The following CHRNA2 variants were observed in gnomAD, a reference collection of about 807,000 sequenced individuals.
CHRNA2 encodes the protein cholinergic receptor nicotinic alpha 2 subunit, also known as neuronal acetylcholine receptor subunit alpha-2.
Under a neutral mutation model 45.5 loss-of-function variants are expected in CHRNA2, and 40 were observed. The observed-to-expected ratio is 0.88, with a 90% CI of 0.68 to 1.15. CHRNA2 has a LOEUF of 1.15. Among genes scored for constraint, CHRNA2 ranks in the 50% most tolerant of loss-of-function variants. The pLI is 0.00. For synonymous variants in CHRNA2, 301 were observed against 296.7 expected (o/e 1.01, Z -0.15); for missense variants, 655 against 701.7 (o/e 0.93, Z 0.75).
chr8:27,463,138 G>A lies in CHRNA2; in HGVS notation c.1305C>T (p.Thr435=). 1 of 1,604,954 alleles carries A rather than the reference G, an allele frequency of 6.2e-7. No homozygotes were observed. The highest frequency in any genetic ancestry group is 8.5e-7 in the Non-Finnish European group (1 of 1,172,628). ...AGTGCAGGTGGCCGTGGCTGCAGAG[G>A]GTGCCCACAGAGGGGGCCACATGAC... ...CAGHVAPSVG[T]LCSHGHLHSG... Residue 435 remains threonine (T), a synonymous_variant, in exon 6 of 7, where the codon ACC becomes ACT. Coordinates refer to ENST00000407991, the MANE Select transcript of CHRNA2 (RefSeq NM_000742.4). This position sits in a 1 kb window ranked among gnomAD's most constrained non-coding sequence, Gnocchi z 6.1.
Position 27,463,674 on chromosome 8 carries a change from A to T in CHRNA2, c.769T>A (p.Tyr257Asn), listed in dbSNP as rs1290255147. ...CCAEIYPDVT[Y>N]AFVIRRLPLF... ...GGCAGCCGCCGGATGACGAAGGCGT[A>T]GGTGACGTCGGGGTAGATCTCGGCG... The change falls in exon 6 of 7, where the codon TAC becomes AAC. Residue 257 changes from tyrosine (Y) to asparagine (N), a missense_variant. This residue lies in a region of CHRNA2 where 323 missense variants were observed against 354.4 expected (regional missense o/e 0.91). Transcript: ENST00000407991. The surrounding 1 kb of genome is among the most constrained non-coding windows in gnomAD (Gnocchi z 6.1). The T allele has an allele frequency of 2.5e-6, 4 of 1,613,994 alleles. No individual in the cohort carries two copies. In the South Asian group the frequency reaches 4.4e-5, roughly 18 times the overall value.
At chr8:27,471,563 C>A (rs1812883949) in intron 1 of CHRNA2, among the ~76,000 whole-genome samples, 1 of 152,210 alleles carries the variant, frequency 6.6e-6, no homozygotes, top group Non-Finnish European at 1.5e-5. Flanking sequence ...TGGAAACAGC[C>A]TTTTGTCCAA....
At chr8:27,474,150 C>T (rs1020359472) in intron 1 of CHRNA2, among the ~76,000 whole-genome samples, 5 of 152,082 alleles carry the variant, frequency 3.3e-5, no homozygotes, top group Admixed American at 2.0e-4. Flanking sequence ...GTTGTCAGGG[C>T]CCATGACCCA....
At chr8:27,476,062 G>C (rs1469824634) in intron 1 of CHRNA2, among the ~76,000 whole-genome samples, 2 of 152,182 alleles carry the variant, frequency 1.3e-5, no homozygotes, top group African/African-American at 4.8e-5. Context: ...TCAAACATTT[G>C]CATTCATAGT....
intron 1 of CHRNA2, chr8:27,475,553 G>C (rs902279267): frequency 2.0e-5 from 3 of 153,048 alleles, no homozygotes; most frequent in African/African-American, 7.2e-5. Context: ...GGGGAGGGGA[G>C]TGAGGAGTTA....
chr8:27,460,355 G>GGTCA lies in CHRNA2; in HGVS notation c.*1270_*1273dup, dbSNP rs1315506705. 1 of 152,182 alleles carries GGTCA rather than the reference G, an allele frequency of 6.6e-6. No homozygotes were observed. Among genetic ancestry groups the GGTCA allele is most frequent in the Admixed American group, 6.5e-5 (1 of 15,272 alleles). The allele number at this position is 152,182 out of a possible 1,614,324, so 9.4% of individuals were successfully genotyped here. On this transcript the variant is annotated 3_prime_UTR_variant, in exon 7 of 7. Transcript: ENST00000407991. ...AGGCTGCTCTGAAGGGTTCAGAGCA[G>GGTCA]GTCAACACACCTCGGGGCTCTGGGA...
chr8:27,463,249 G>A lies in CHRNA2; in HGVS notation c.1194C>T (p.Ser398=), dbSNP rs1586389358. 2.5e-6 allele frequency: 4 copies of A among 1,598,560 alleles called. No individual in the cohort carries two copies. The East Asian group carries it at 6.7e-5, about 27-fold the overall frequency. The change falls in exon 6 of 7, where the codon AGC becomes AGT. Residue 398 remains serine (S), a synonymous_variant. Coordinates refer to ENST00000407991, the MANE Select transcript of CHRNA2 (RefSeq NM_000742.4). This position sits in a 1 kb window ranked among gnomAD's most constrained non-coding sequence, Gnocchi z 6.1. ...TGCTCTCCAGCCAGTGATAAGAGGG[G>A]CTGAGCTTCAGGCGTAGGGGGTGGC... The part of the protein sequence containing the change: ...ELCHPLRLKL[S]PSYHWLESNV...
intron 1 of CHRNA2, among the ~76,000 whole-genome samples, chr8:27,478,500 A>C (rs1393355036): frequency 1.3e-5 from 2 of 152,208 alleles, no homozygotes; most frequent in Non-Finnish European, 2.9e-5. Context: ...AAGGACATAG[A>C]CAATTTACAG....
intron 5 of CHRNA2, among the ~76,000 whole-genome samples, chr8:27,465,184 C>G (rs1435839324): frequency 6.6e-6 from 1 of 152,016 alleles, no homozygotes; most frequent in Admixed American, 6.6e-5. Context: ...GGTGACCAGT[C>G]AGGTAGCACT....
At chr8:27,467,625 A>C in intron 4 of CHRNA2, 1 of 411,660 alleles carries the variant, frequency 2.4e-6, no homozygotes, top group South Asian at 3.0e-5. Context: ...TGGCTGGACG[A>C]CCTTGGTGGG....
chr8:27,466,747 T>A (rs1563320720), intron 5 of CHRNA2, among the ~76,000 whole-genome samples: 1 of 152,228 alleles, frequency 6.6e-6, no homozygotes, highest in Non-Finnish European at 1.5e-5. Context: ...TTCTATTAAC[T>A]TCTTGTCATT....
intron 1 of CHRNA2, among the ~76,000 whole-genome samples, chr8:27,474,908 G>C (rs1813014909): frequency 6.6e-6 from 1 of 152,152 alleles, no homozygotes; most frequent in Admixed American, 6.5e-5. Flanking sequence ...TGTCCCCAGG[G>C]GACTTCCCCA....
rs761237311 is a variant in CHRNA2, at chr8:27,463,834, G to A, written c.609C>T (p.Ser203=). ...CGATCTTGGCCTTGTCATAAGTCCA[G>A]GAGCCAAACTTCATCTTGCAGTTCT... is the stretch of plus-strand genomic sequence containing the variant. ...DQQNCKMKFG[S]WTYDKAKIDL... Residue 203 remains serine, a synonymous_variant, in exon 6 of 7, where the codon TCC becomes TCT. Coordinates refer to ENST00000407991, the MANE Select transcript of CHRNA2 (RefSeq NM_000742.4). This position sits in a 1 kb window ranked among gnomAD's most constrained non-coding sequence, Gnocchi z 6.1. 9.3e-6 allele frequency: 15 copies of A among 1,614,046 alleles called. No homozygotes were observed. The highest frequency in any genetic ancestry group is 1.7e-5 in the Admixed American group (1 of 60,004).
intron 1 of CHRNA2, among the ~76,000 whole-genome samples, chr8:27,473,194 C>T (rs1586403814): frequency 6.6e-6 from 1 of 152,146 alleles, no homozygotes; most frequent in East Asian, 1.9e-4. Flanking sequence ...CGGGACACAT[C>T]GTGTATGTGG....
At chr8:27,473,638 G>A (rs1407818526) in intron 1 of CHRNA2, among the ~76,000 whole-genome samples, 1 of 151,654 alleles carries the variant, frequency 6.6e-6, no homozygotes, top group Non-Finnish European at 1.5e-5. Context: ...GCCTGGGGAA[G>A]TCAAGGCTGC....
In CHRNA2 at chr8:27,461,520, C is replaced by G; in HGVS notation, c.*109G>C. On this transcript the variant is annotated 3_prime_UTR_variant, in exon 7 of 7. Coordinates refer to ENST00000407991, the MANE Select transcript of CHRNA2 (RefSeq NM_000742.4). ...TCCCTGGGTCAGTGTCCAGACTCCG[C>G]GGAGAGGCACCTGCTCATCCCAAAG... 1 of 1,491,212 alleles carries G rather than the reference C, an allele frequency of 6.7e-7. No homozygotes were observed. Among genetic ancestry groups the G allele is most frequent in the Non-Finnish European group, 9.2e-7 (1 of 1,081,396 alleles). The allele number at this position is 1,491,212 out of a possible 1,614,324, so 92.4% of individuals were successfully genotyped here.
intron 6 of CHRNA2, among the ~76,000 whole-genome samples, chr8:27,462,330 A>T (rs79145239): frequency 0.065 from 9,974 of 152,296 alleles, 446 homozygotes; most frequent in Non-Finnish European, 0.1. Flanking sequence ...GCCACTCAGT[A>T]ATAACCTCCC....
At chr8:27,472,644 C>T (rs1812924471) in intron 1 of CHRNA2, among the ~76,000 whole-genome samples, 1 of 152,092 alleles carries the variant, frequency 6.6e-6, no homozygotes, top group Non-Finnish European at 1.5e-5. Flanking sequence ...GTTGCAGGGG[C>T]AGCGGGAAGG....
intron 5 of CHRNA2, among the ~76,000 whole-genome samples, chr8:27,466,069 T>C (rs539414630): frequency 3.9e-5 from 6 of 152,296 alleles, no homozygotes; most frequent in African/African-American, 1.4e-4. Flanking sequence ...GTGCCAGCTA[T>C]GGGGCACAGA....
Sources: gnomAD v4.1 joint callset for allele counts (sites outside exome capture counted in the v4.1 genomes callset) on GRCh38, gnomAD v4.1.1 for gene constraint, gnomAD v4.1.1 regional missense constraint, Gnocchi (gnomAD v3.1) non-coding constraint, MANE v1.5 for transcripts, NCBI Gene and HGNC (gene_info 2026-07-23, HGNC 2026-07-21) for gene names.